The following ADIPOR2 variants were observed in gnomAD, a reference collection of about 807,000 sequenced individuals.
ADIPOR2 encodes the protein adiponectin receptor protein 2.
A neutral mutation model predicts 40.9 loss-of-function variants in ADIPOR2; 18 were observed. The observed-to-expected ratio is 0.44, with a 90% CI of 0.30 to 0.65. The LOEUF (loss-of-function observed/expected upper bound fraction) is 0.65, where lower values mean the gene tolerates loss of function less well. Ranked by LOEUF, ADIPOR2 falls within the 30% of genes least tolerant of loss-of-function variation. ADIPOR2 has a pLI of 0.09. For missense variants in ADIPOR2, 283 were observed against 479.2 expected, an observed-to-expected ratio of 0.59 and a Z score of 3.82; for synonymous variants, 165 against 166.4, an observed-to-expected ratio of 0.99 and a Z score of 0.06.
At chr12:1,784,164 C>T in intron 7 of ADIPOR2, 91 bp downstream of exon 7, 2 of 1,357,630 alleles carry the variant, frequency 1.5e-6, no homozygotes, top group South Asian at 3.3e-5. Context: ...GTTTTAGACA[C>T]AAAGTCAGGA....
intron 1 of ADIPOR2, among the ~76,000 whole-genome samples, chr12:1,722,229 T>C (rs2094699340): frequency 6.6e-6 from 1 of 152,170 alleles, no homozygotes; most frequent in Non-Finnish European, 1.5e-5. Context: ...TCAACAGGAC[T>C]TGCTGACTGC....
intron 1 of ADIPOR2, chr12:1,696,752 G>C (rs1311324001): frequency 6.5e-6 from 1 of 152,962 alleles, no homozygotes; most frequent in African/African-American, 2.4e-5. Flanking sequence ...CTGGAATTCT[G>C]CATCATCTGA....
chr12:1,735,883 A>G (rs1217466678), intron 1 of ADIPOR2, among the ~76,000 whole-genome samples: 1 of 152,156 alleles, frequency 6.6e-6, no homozygotes, highest in Non-Finnish European at 1.5e-5. Context: ...TTCTGTTTGT[A>G]TGCTGGATTA....
In ADIPOR2 at chr12:1,781,084, C is replaced by T. The variant is rs1434037853; in HGVS notation, c.838+8C>T. 2.8e-5 allele frequency: 44 copies of T among 1,568,840 alleles called. No homozygotes were observed. The highest frequency in any genetic ancestry group is 3.6e-5 in the Non-Finnish European group (42 of 1,160,634). On this transcript the variant is annotated splice_region_variant and intron_variant, in intron 6 of 7. Transcript: ENST00000357103. ...ATCGGGGAGTAAGAGCAGGTAAGAGCACGGGGAGGTTCTACATTCGACATT... is the reference window on the plus strand; with the variant it reads ...ATCGGGGAGTAAGAGCAGGTAAGAGTACGGGGAGGTTCTACATTCGACATT...
At position 1,755,774 on chromosome 12, in the gene ADIPOR2, C is replaced by T. The variant is rs1039905229; in HGVS notation, c.171+1260C>T. 4.0e-5 allele frequency among the ~76,000 whole-genome samples: 6 copies of T among 151,852 alleles called. No individual in the cohort carries two copies. The East Asian group carries it at 1.2e-3, about 29-fold the overall frequency. On this transcript the variant is annotated intron_variant, in intron 2 of 7. Transcript: ENST00000357103. ...AGTGTTTCTCAAACTTTGGGTTGTA[C>T]CTATTAGTGGGTTTTGAAATTAATT...
chr12:1,744,103 T>C (rs1565645775), intron 1 of ADIPOR2, among the ~76,000 whole-genome samples: 1 of 152,038 alleles, frequency 6.6e-6, no homozygotes, highest in African/African-American at 2.4e-5. Context: ...AAAGTCTTTT[T>C]TTTTTCTGTA....
intron 1 of ADIPOR2, among the ~76,000 whole-genome samples, chr12:1,740,930 G>T (rs1421976275): frequency 6.6e-6 from 1 of 152,210 alleles, no homozygotes; most frequent in Non-Finnish European, 1.5e-5. Context: ...TCAGGTAGGG[G>T]CTTCCTGAAA....
chr12:1,760,065 C>T (rs749677911), intron 2 of ADIPOR2, among the ~76,000 whole-genome samples: 1 of 151,092 alleles, frequency 6.6e-6, no homozygotes. Context: ...AAAAAAACAA[C>T]CTCCTTCCCG....
At chr12:1,770,103 G>A (rs955377896) in intron 2 of ADIPOR2, among the ~76,000 whole-genome samples, 5 of 150,046 alleles carry the variant, frequency 3.3e-5, no homozygotes, top group Admixed American at 1.3e-4. Flanking sequence ...TATATTTTTT[G>A]TAGAGATGGG....
rs1862829362 is a variant in ADIPOR2 at position 1,786,147 on chromosome 12, A to T, written c.*75A>T. 2.6e-6 allele frequency: 4 copies of T among 1,550,770 alleles called. No individual in the cohort carries two copies. The highest frequency in any genetic ancestry group is 4.0e-5 in the Admixed American group (2 of 50,448). ...TTGCGGGCCTCCCTGCTGGCTACTG[A>T]TGCCAGTACCAGAGGAGCCCCAAAA... On this transcript the variant is annotated 3_prime_UTR_variant, in exon 8 of 8. Coordinates refer to ENST00000357103, the MANE Select transcript of ADIPOR2 (RefSeq NM_024551.3).
At chr12:1,725,847 T>G (rs185545105) in intron 1 of ADIPOR2, among the ~76,000 whole-genome samples, 2 of 152,196 alleles carry the variant, frequency 1.3e-5, no homozygotes. Context: ...AGAAATGATT[T>G]TAATTTCTTT....
chr12:1,767,315 A>AT, intron 2 of ADIPOR2, among the ~76,000 whole-genome samples: 3 of 150,548 alleles, frequency 2.0e-5, no homozygotes, highest in Admixed American at 2.0e-4. Flanking sequence ...CTATTTGAGA[A>AT]TTTTTAAAAA....
intron 1 of ADIPOR2, among the ~76,000 whole-genome samples, chr12:1,731,503 C>A (rs1466511587): frequency 6.6e-6 from 1 of 152,186 alleles, no homozygotes; most frequent in Admixed American, 6.5e-5. Context: ...TATACAATAA[C>A]TCCTCATTGT....
intron 3 of ADIPOR2, among the ~76,000 whole-genome samples, chr12:1,773,894 G>GT (rs1862536310): frequency 6.6e-6 from 1 of 152,104 alleles, no homozygotes; most frequent in Non-Finnish European, 1.5e-5. Flanking sequence ...TATTACTTTG[G>GT]ACCAGGGTAT....
At chr12:1,757,601 G>T in intron 2 of ADIPOR2, 1 of 1,214,532 alleles carries the variant, frequency 8.2e-7, no homozygotes, top group East Asian at 2.3e-5. Flanking sequence ...CGGGCATCAT[G>T]AGTCACCAGA....
At chr12:1,771,782 A>G (rs1440288218) in intron 2 of ADIPOR2, among the ~76,000 whole-genome samples, 1 of 152,224 alleles carries the variant, frequency 6.6e-6, no homozygotes, top group Non-Finnish European at 1.5e-5. Context: ...GATTAGAGGT[A>G]GAGGATTTAT....
intron 3 of ADIPOR2, among the ~76,000 whole-genome samples, chr12:1,775,092 T>C (rs1862562231): frequency 6.6e-6 from 1 of 152,046 alleles, no homozygotes; most frequent in African/African-American, 2.4e-5. Flanking sequence ...CGCCTCGGCC[T>C]CCCATAGTGC....
chr12:1,754,699 T>TTACTACTACTAC lies in ADIPOR2; in HGVS notation c.171+224_171+235dup, dbSNP rs59598626. On this transcript the variant is annotated intron_variant, in intron 2 of 7. Coordinates refer to ENST00000357103, the MANE Select transcript of ADIPOR2 (RefSeq NM_024551.3). ...AAGTCTCTTATCTTTATTATTATTA[T>TTACTACTACTAC]TACTACTACTACTACTACTACTACT... is the stretch of plus-strand genomic sequence containing the variant. Among the ~76,000 whole-genome samples, 681 of 103,584 alleles carry TTACTACTACTAC rather than the reference T, an allele frequency of 6.6e-3. 2 individuals are homozygous for TTACTACTACTAC. The highest frequency in any genetic ancestry group is 8.3e-3 in the Non-Finnish European group (392 of 47,386). 68.0% of individuals were successfully genotyped at this position (103,584 alleles called of 152,430 possible). A position where few individuals can be genotyped will look rare whatever the true frequency, so the allele number is the denominator to read the frequency against.
At chr12:1,705,608 A>G (rs980581824) in intron 1 of ADIPOR2, among the ~76,000 whole-genome samples, 2 of 152,208 alleles carry the variant, frequency 1.3e-5, no homozygotes, top group East Asian at 1.9e-4. Flanking sequence ...TGTATATACA[A>G]ATATTCCAGA....
Sources: allele counts gnomAD v4.1 joint callset (sites outside exome capture counted in the v4.1 genomes callset), GRCh38; gene constraint gnomAD v4.1.1; transcripts MANE v1.5; gene names NCBI Gene and HGNC (gene_info 2026-07-23, HGNC 2026-07-21).